Variants in NAV2 observed in about 807,000 individuals in gnomAD.
The protein encoded by NAV2 is neuron navigator 2.
NAV2 carries 54 observed loss-of-function variants against 223.2 expected under a neutral mutation model. The ratio of observed to expected loss-of-function variants is 0.24; its 90% confidence interval spans 0.19 to 0.30. The LOEUF (loss-of-function observed/expected upper bound fraction) is 0.30. NAV2 is among the 10% of genes least tolerant of loss of function. The pLI is 1.00. For synonymous variants in NAV2, 1,279 were observed against 1,239.3 expected (o/e 1.03, Z -0.67); for missense variants, 2,806 against 3,147.5 (o/e 0.89, Z 2.60).
chr11:19,389,976 C>A (rs908087989), intron 1 of NAV2, among the ~76,000 whole-genome samples: 11 of 152,212 alleles, frequency 7.2e-5, no homozygotes, highest in African/African-American at 2.7e-4. Context: ...TGCTCTGTGA[C>A]CCTAGCCATG....
intron 1 of NAV2, chr11:19,777,947 G>A: frequency 2.2e-6 from 1 of 455,810 alleles, no homozygotes; most frequent in East Asian, 7.0e-5. Flanking sequence ...TCTCTACTGC[G>A]GTTTGGCTTG....
intron 2 of NAV2, among the ~76,000 whole-genome samples, chr11:19,836,328 C>A (rs150441738): frequency 5.9e-5 from 9 of 151,848 alleles, no homozygotes; most frequent in Admixed American, 5.9e-4. Context: ...GAGGCCGAGG[C>A]GGGTGGATCA....
At chr11:19,509,719 TC>T (rs1015418308) in intron 1 of NAV2, among the ~76,000 whole-genome samples, 3 of 152,106 alleles carry the variant, frequency 2.0e-5, no homozygotes, top group Admixed American at 6.6e-5. Context: ...CATCAATGTT[TC>T]CCCCCTAAAG....
At chr11:19,928,714 G>A (rs12799607) in intron 6 of NAV2, among the ~76,000 whole-genome samples, 5,503 of 152,284 alleles carry the variant, frequency 0.036, 147 homozygotes, top group South Asian at 0.062. Flanking sequence ...TCGTCTCAGA[G>A]ACTTGCCCAG....
intron 1 of NAV2, among the ~76,000 whole-genome samples, chr11:19,550,453 T>A (rs2044653809): frequency 6.6e-6 from 1 of 152,196 alleles, no homozygotes; most frequent in African/African-American, 2.4e-5. Flanking sequence ...ACAATTTCCA[T>A]TTCGTAGATG....
At chr11:20,040,731 T>C (rs10833228) in intron 12 of NAV2, among the ~76,000 whole-genome samples, 60,479 of 151,960 alleles carry the variant, frequency 0.4, 12,661 homozygotes, top group Non-Finnish European at 0.47. Context: ...GGAGGTACCA[T>C]TGAGATGGAA....
chr11:19,875,407 G>A (rs2062776683), intron 4 of NAV2, among the ~76,000 whole-genome samples: 1 of 152,124 alleles, frequency 6.6e-6, no homozygotes, highest in Admixed American at 6.5e-5. Flanking sequence ...GTAATTTATT[G>A]AATACCATAC....
intron 1 of NAV2, among the ~76,000 whole-genome samples, chr11:19,542,782 T>C (rs889160201): frequency 1.3e-5 from 2 of 152,214 alleles, no homozygotes; most frequent in African/African-American, 4.8e-5. Flanking sequence ...TCAGGAAACA[T>C]GGAAGTTTGT....
intron 1 of NAV2, among the ~76,000 whole-genome samples, chr11:19,523,449 T>A (rs2043738151): frequency 6.6e-6 from 1 of 152,200 alleles, no homozygotes; most frequent in Admixed American, 6.5e-5. Flanking sequence ...TGGGAAGATG[T>A]CATGTCATCA....
upstream of NAV2, chr11:19,350,602 A>T (rs1853252588): frequency 3.4e-6 from 1 of 291,138 alleles, no homozygotes; most frequent in Admixed American, 4.3e-5. Context: ...CAGTGAAGGA[A>T]AGGGTTTCTG....
At chr11:19,744,218 G>A (rs967181325) in intron 1 of NAV2, among the ~76,000 whole-genome samples, 20 of 152,162 alleles carry the variant, frequency 1.3e-4, no homozygotes, top group Admixed American at 4.6e-4. Context: ...TAGTTTAAGA[G>A]TGAAAGACTT....
intron 6 of NAV2, among the ~76,000 whole-genome samples, chr11:19,906,715 G>A (rs1357546022): frequency 6.6e-6 from 1 of 152,152 alleles, no homozygotes; most frequent in Non-Finnish European, 1.5e-5. Flanking sequence ...GCAGATGCTG[G>A]CAGGTCGGTG....
At chr11:19,582,219 T>A (rs556031647) in intron 1 of NAV2, among the ~76,000 whole-genome samples, 51 of 152,350 alleles carry the variant, frequency 3.3e-4, no homozygotes, top group African/African-American at 1.2e-3. Context: ...GTTGTTTGTT[T>A]TTTTCTTGTA....
intron 1 of NAV2, chr11:19,778,011 C>G (rs994820082): frequency 2.2e-6 from 1 of 455,680 alleles, no homozygotes; most frequent in African/African-American, 2.0e-5. Context: ...GGTCCTCCTC[C>G]CGCCTCTCAC....
At chr11:19,573,047 C>T (rs183663823) in intron 1 of NAV2, among the ~76,000 whole-genome samples, 3 of 152,320 alleles carry the variant, frequency 2.0e-5, no homozygotes, top group Admixed American at 1.3e-4. Context: ...AATGCTTTGT[C>T]TTTGAAATCA....
At chr11:19,532,230 C>T (rs35929674) in intron 1 of NAV2, among the ~76,000 whole-genome samples, 16,521 of 152,150 alleles carry the variant, frequency 0.11, 982 homozygotes, top group East Asian at 0.16. Context: ...TCTGGGGACT[C>T]AGGACTCACA....
intron 11 of NAV2, among the ~76,000 whole-genome samples, chr11:20,026,412 G>A (rs966819914): frequency 6.6e-6 from 1 of 151,974 alleles, no homozygotes; most frequent in African/African-American, 2.4e-5. Context: ...CCAGGTTCAC[G>A]CCATTCTCCT....
intron 1 of NAV2, among the ~76,000 whole-genome samples, chr11:19,562,333 G>A (rs1565052142): frequency 6.6e-6 from 1 of 152,178 alleles, no homozygotes; most frequent in Non-Finnish European, 1.5e-5. Context: ...TCCGCTCTCA[G>A]AGGGTGGAAA....
chr11:19,574,927 G>A (rs76011236), intron 1 of NAV2, among the ~76,000 whole-genome samples: 5,166 of 152,232 alleles, frequency 0.034, 332 homozygotes, highest in African/African-American at 0.12. Context: ...TCAATTGGGC[G>A]AAGGGGTTTC....
Sources: gnomAD v4.1 joint callset for allele counts (sites outside exome capture counted in the v4.1 genomes callset) on GRCh38, gnomAD v4.1.1 for gene constraint, MANE v1.5 for transcripts, NCBI Gene and HGNC (gene_info 2026-07-23, HGNC 2026-07-21) for gene names.